UBAP1: variants seen among roughly 807,000 people sequenced by gnomAD.
UBAP1 encodes ubiquitin associated protein 1, also known as ubiquitin-associated protein 1.
Under a neutral mutation model 39.0 loss-of-function variants are expected in UBAP1, and 5 were observed. The observed-to-expected ratio is 0.13, with a 90% CI of 0.07 to 0.27. The LOEUF (loss-of-function observed/expected upper bound fraction) is 0.27, where lower values mean the gene tolerates loss of function less well. Among genes scored for constraint, UBAP1 ranks in the 10% least tolerant of loss-of-function variants. The pLI, the probability that UBAP1 is intolerant of heterozygous loss-of-function variation, is 1.00. For missense variants in UBAP1, 490 were observed against 608.1 expected (o/e 0.81, Z 2.04); for synonymous variants, 211 against 225.1 (o/e 0.94, Z 0.56).
chr9:34,237,260 C>G (rs1833749356), intron 3 of UBAP1, among the ~76,000 whole-genome samples: 1 of 152,168 alleles, frequency 6.6e-6, no homozygotes, highest in Admixed American at 6.5e-5. Context: ...GCCTTAATCA[C>G]TGCCCTCAAG....
At chr9:34,250,820 G>T in intron 6 of UBAP1, 61 bp downstream of exon 6, 1 of 1,435,200 alleles carries the variant, frequency 7.0e-7, no homozygotes. Context: ...TATCCATCCT[G>T]GTTTTCTCCC....
intron 1 of UBAP1, among the ~76,000 whole-genome samples, chr9:34,194,496 A>G (rs1200448204): frequency 6.6e-6 from 1 of 152,016 alleles, no homozygotes; most frequent in African/African-American, 2.4e-5. Flanking sequence ...TTGTATTTTT[A>G]GTAGAGATGG....
Position 34,241,789 on chromosome 9 carries a change from C to T in UBAP1, c.764C>T (p.Pro255Leu). 3 of 1,614,078 alleles carry T rather than the reference C, an allele frequency of 1.9e-6. No individual in the cohort carries two copies. Among genetic ancestry groups the T allele is most frequent in the Non-Finnish European group, 2.5e-6 (3 of 1,180,010 alleles). ...KMSLSSKVSL[P>L]PIPAVSNIKS... Reference sequence around the variant, plus strand: ...TCACTGTCTTCCAAAGTGTCCCTCCCCCCTATACCTGCAGTAAGCAATATC... The same window carrying T: ...TCACTGTCTTCCAAAGTGTCCCTCCTCCCTATACCTGCAGTAAGCAATATC... The change falls in exon 4 of 7, where the codon CCC becomes CTC. Residue 255 changes from proline to leucine, a missense_variant. This residue lies in a region of UBAP1 where 339 missense variants were observed against 390.0 expected (regional missense o/e 0.87). Transcript: ENST00000297661.
rs562634097 is a variant in UBAP1, at chr9:34,230,255, G to A, written c.35-3961G>A. On this transcript the variant is annotated intron_variant, in intron 2 of 6. Coordinates refer to ENST00000297661, the MANE Select transcript of UBAP1 (RefSeq NM_016525.5). ...ATTTTTTTGTATTTTTAGTAGAGAC[G>A]GGGTTTCACCATGCTGGCCAGGCTG... 2.6e-5 allele frequency among the ~76,000 whole-genome samples: 4 copies of A among 151,702 alleles called. No individual in the cohort carries two copies. The South Asian group carries it at 6.2e-4, about 24-fold the overall frequency.
At chr9:34,236,390 A>T (rs1833703577) in intron 3 of UBAP1, among the ~76,000 whole-genome samples, 2 of 152,146 alleles carry the variant, frequency 1.3e-5, no homozygotes, top group Non-Finnish European at 2.9e-5. Context: ...GCCCTCACCG[A>T]TGAAATCACC....
Position 34,251,627 on chromosome 9 carries a change from T to C in UBAP1, c.*95T>C. 3.5e-6 allele frequency: 5 copies of C among 1,428,824 alleles called. No homozygotes were observed. The South Asian group carries it at 5.4e-5, about 15-fold the overall frequency. The allele number at this position is 1,428,824 out of a possible 1,614,324, so 88.5% of individuals were successfully genotyped here. A position where few individuals can be genotyped will look rare whatever the true frequency, so the allele number is the denominator to read the frequency against. ...GGAAAGAGAAGGGGCAGCTTCCGGA[T>C]TTTCTTTTGGGGGTTAGAAGGTCAG... On this transcript the variant is annotated 3_prime_UTR_variant, in exon 7 of 7. Transcript: ENST00000297661.
intron 1 of UBAP1, among the ~76,000 whole-genome samples, chr9:34,199,449 G>A (rs1426815656): frequency 6.6e-6 from 1 of 152,102 alleles, no homozygotes; most frequent in African/African-American, 2.4e-5. Flanking sequence ...CAGAACATTT[G>A]TAGAGATAGT....
chr9:34,201,573 ATGT>A (rs1396314720), intron 1 of UBAP1: 1 of 152,112 alleles, frequency 6.6e-6, no homozygotes, highest in East Asian at 1.9e-4. Flanking sequence ...AACAACAAAA[ATGT>A]AGATTAATCC....
intron 3 of UBAP1, among the ~76,000 whole-genome samples, chr9:34,238,191 T>A (rs1402680179): frequency 6.6e-6 from 1 of 152,240 alleles, no homozygotes; most frequent in African/African-American, 2.4e-5. Flanking sequence ...GAGGTATTAG[T>A]ACTTCATTTA....
At chr9:34,182,641 TTC>T (rs1464855300) in intron 1 of UBAP1, among the ~76,000 whole-genome samples, 28 of 66,022 alleles carry the variant, frequency 4.2e-4, no homozygotes, top group Admixed American at 1.2e-3. Flanking sequence ...CTTTCTTTCT[TTC>T]TTTCTTTCTT....
chr9:34,222,405 A>G (rs1364231442), intron 2 of UBAP1, among the ~76,000 whole-genome samples: 1 of 152,202 alleles, frequency 6.6e-6, no homozygotes, highest in East Asian at 1.9e-4. Flanking sequence ...AGCATTCCTT[A>G]AAGAGGTCAG....
intron 6 of UBAP1, 35 bp from the exon 7 acceptor site, chr9:34,251,357 C>G (rs1834519660): frequency 6.2e-7 from 1 of 1,611,522 alleles, no homozygotes; most frequent in Non-Finnish European, 8.5e-7. Context: ...TGACCCCACC[C>G]TTTTCTTTAA....
In UBAP1 at chr9:34,207,183, G is replaced by A. The variant is rs570754099; in HGVS notation, c.-7-13725G>A. Among the ~76,000 whole-genome samples the A allele has an allele frequency of 1.3e-4, 20 of 150,044 alleles. No homozygotes were observed. In the South Asian group the frequency reaches 4.0e-3, roughly 30 times the overall value. On this transcript the variant is annotated intron_variant, in intron 1 of 6. Transcript: ENST00000297661. Reference sequence around the variant, plus strand: ...TCTCCTGCCTCAGCCTCTGGAGTGGGTTAGGATTACGGGCTCCCGCCACAG... The same window carrying A: ...TCTCCTGCCTCAGCCTCTGGAGTGGATTAGGATTACGGGCTCCCGCCACAG...
intron 1 of UBAP1, among the ~76,000 whole-genome samples, chr9:34,179,674 T>C (rs567697156): frequency 8.9e-4 from 135 of 151,604 alleles, no homozygotes; most frequent in African/African-American, 3.0e-3. Flanking sequence ...GGCAATGAGA[T>C]TGGGGAGAAA....
intron 2 of UBAP1, among the ~76,000 whole-genome samples, chr9:34,226,123 G>GTGTGTGTGTGTGTGTGTGTGTGTT (rs1833062829): frequency 1.1e-4 from 12 of 104,664 alleles, no homozygotes; most frequent in East Asian, 4.1e-4. Flanking sequence ...GTGTGTGTGT[G>GTGTGTGTGTGTGTGTGTGTGTGTT]TGTGTGTGTG....
rs547723861 is a variant in UBAP1 at position 34,181,731 on chromosome 9, C to CT, written c.-8+2508dup. 3.2e-3 allele frequency among the ~76,000 whole-genome samples: 386 copies of CT among 119,754 alleles called. 7 individuals are homozygous for CT. Among genetic ancestry groups the CT allele is most frequent in the Middle Eastern group, 0.031 (6 of 196 alleles). 78.6% of individuals were successfully genotyped at this position (119,754 alleles called of 152,430 possible). The stretch of plus-strand genomic sequence containing the variant: ...ACAGGCGTGAGCCACCGTGCCAGGC[C>CT]TTTTTTTTTTTTTTTTTAATGAAGG... On this transcript the variant is annotated intron_variant, in intron 1 of 6. Transcript: ENST00000297661.
Position 34,228,085 on chromosome 9 carries a change from C to T in UBAP1, c.35-6131C>T, listed in dbSNP as rs563314319. On this transcript the variant is annotated intron_variant, in intron 2 of 6. Coordinates refer to ENST00000297661, the MANE Select transcript of UBAP1 (RefSeq NM_016525.5). ...ATGAGGCTGCAGTGAGTGGTGATGA[C>T]GTCACTGCACTCCAGCCTGGGTGAG... Among the ~76,000 whole-genome samples the T allele has an allele frequency of 2.7e-3, 404 of 151,738 alleles. 1 individual carries two copies. The highest frequency in any genetic ancestry group is 4.6e-3 in the Non-Finnish European group (314 of 67,944).
rs1383340060 is a variant in UBAP1, at chr9:34,234,195, CTA to C, written c.35-20_35-19del. 1 of 1,584,044 alleles carries C rather than the reference CTA, an allele frequency of 6.3e-7. No homozygotes were observed. The highest frequency in any genetic ancestry group is 1.2e-5 in the South Asian group (1 of 85,302). ...TAATGAAGTTCTTTGCTGATATTTT[CTA>C]CTTTATTTTTGATTATAGGGACTTT... On this transcript the variant is annotated intron_variant, in intron 2 of 6. Transcript: ENST00000297661.
At chr9:34,217,442 G>A (rs1832388576) in intron 1 of UBAP1, among the ~76,000 whole-genome samples, 1 of 152,078 alleles carries the variant, frequency 6.6e-6, no homozygotes, top group African/African-American at 2.4e-5. Context: ...CACCATGTTG[G>A]CCAGGCTGGT....
Sources: gnomAD v4.1 joint callset for allele counts (sites outside exome capture counted in the v4.1 genomes callset) on GRCh38, gnomAD v4.1.1 for gene constraint, gnomAD v4.1.1 regional missense constraint, MANE v1.5 for transcripts, NCBI Gene and HGNC (gene_info 2026-07-23, HGNC 2026-07-21) for gene names.